SGCZ: variants seen among roughly 807,000 people sequenced by gnomAD.
The protein encoded by SGCZ is zeta-sarcoglycan.
SGCZ carries 40 observed loss-of-function variants against 41.3 expected under a neutral mutation model. The observed-to-expected ratio is 0.97, with a 90% CI of 0.75 to 1.26. The LOEUF is 1.26. Among genes scored for constraint, SGCZ ranks in the 50% most tolerant of loss-of-function variants. The pLI, the probability that SGCZ is intolerant of heterozygous loss-of-function variation, is 0.00. For synonymous variants in SGCZ, 206 were observed against 137.5 expected, an observed-to-expected ratio of 1.50 and a Z score of -3.49; for missense variants, 552 against 369.8, an observed-to-expected ratio of 1.49 and a Z score of -4.04.
chr8:14,539,728 G>T (rs185587080), intron 2 of SGCZ, among the ~76,000 whole-genome samples: 1 of 149,344 alleles, frequency 6.7e-6, no homozygotes, highest in African/African-American at 2.5e-5. Context: ...CCCAGTGTGT[G>T]TTGTTCCCCT....
chr8:15,013,432 A>G (rs545210249), intron 1 of SGCZ, among the ~76,000 whole-genome samples: 1 of 152,306 alleles, frequency 6.6e-6, no homozygotes, highest in African/African-American at 2.4e-5. Flanking sequence ...TCTATAACGG[A>G]AAGGAATATA....
At chr8:14,749,787 T>A (rs774457355) in intron 1 of SGCZ, among the ~76,000 whole-genome samples, 1 of 152,130 alleles carries the variant, frequency 6.6e-6, no homozygotes, top group Non-Finnish European at 1.5e-5. Flanking sequence ...TTGCCTAAAG[T>A]CTGTGATCCT....
intron 1 of SGCZ, among the ~76,000 whole-genome samples, chr8:15,169,040 A>T (rs776579482): frequency 1.3e-5 from 2 of 152,100 alleles, no homozygotes; most frequent in Non-Finnish European, 2.9e-5. Flanking sequence ...GTTTTCTAAT[A>T]ATCTGGTTTG....
intron 1 of SGCZ, among the ~76,000 whole-genome samples, chr8:14,845,323 A>G (rs1435414853): frequency 6.6e-6 from 1 of 152,202 alleles, no homozygotes; most frequent in Non-Finnish European, 1.5e-5. Context: ...CAATTCTTAA[A>G]GGCAAAATTG....
At chr8:14,940,824 A>G (rs1313991524) in intron 1 of SGCZ, among the ~76,000 whole-genome samples, 2 of 152,050 alleles carry the variant, frequency 1.3e-5, no homozygotes, top group African/African-American at 4.8e-5. Flanking sequence ...AACCACAGAA[A>G]GGGGGAGACG....
intron 3 of SGCZ, among the ~76,000 whole-genome samples, chr8:14,294,150 C>T (rs1030804749): frequency 6.6e-6 from 1 of 151,674 alleles, no homozygotes; most frequent in African/African-American, 2.4e-5. Flanking sequence ...TTCTGAGAAA[C>T]ATGTTAAATT....
intron 1 of SGCZ, among the ~76,000 whole-genome samples, chr8:14,977,990 G>C (rs943197949): frequency 2.0e-5 from 3 of 151,166 alleles, no homozygotes; most frequent in Admixed American, 6.6e-5. Flanking sequence ...TTTATAATTT[G>C]GGGATGATGT....
intron 2 of SGCZ, among the ~76,000 whole-genome samples, chr8:14,344,164 G>A (rs113291523): frequency 0.031 from 4,718 of 152,178 alleles, 110 homozygotes; most frequent in Middle Eastern, 0.078. Flanking sequence ...TCACAAATGC[G>A]TGGATAGAAA....
rs368867437 is a variant in SGCZ at position 15,237,587 on chromosome 8, T to G, written c.37A>C (p.Lys13Gln). 9.4e-6 allele frequency: 15 copies of G among 1,590,574 alleles called. No individual in the cohort carries two copies. The highest frequency in any genetic ancestry group is 1.1e-5 in the South Asian group (1 of 87,866). ...RSTNLDIEEL[K>Q]MTREQYILAT... The stretch of plus-strand genomic sequence containing the variant: ...AGCCCGCCCGGACCCGCACGTACCT[T>G]GAGCTCCTCAATGTCCAGGTTCGTT... Residue 13 changes from lysine (K) to glutamine (Q), a missense_variant and splice_region_variant, in exon 1 of 8, where the codon AAG becomes CAG. By Grantham distance (53) the Lys-to-Gln change is moderately conservative (BLOSUM62 1). Transcript: ENST00000382080.
intron 1 of SGCZ, among the ~76,000 whole-genome samples, chr8:14,908,774 T>G (rs149712583): frequency 1.4e-5 from 2 of 146,884 alleles, no homozygotes; most frequent in African/African-American, 2.5e-5. Context: ...GAGAGAGAGA[T>G]TCAGAGAACC....
At chr8:14,736,681 G>A (rs906267989) in intron 1 of SGCZ, among the ~76,000 whole-genome samples, 1 of 151,958 alleles carries the variant, frequency 6.6e-6, no homozygotes, top group African/African-American at 2.4e-5. Flanking sequence ...TTATGCCTTT[G>A]TGTCCTCATA....
intron 1 of SGCZ, among the ~76,000 whole-genome samples, chr8:15,198,098 ATAAT>A (rs1563179331): frequency 1.3e-5 from 2 of 149,386 alleles, no homozygotes; most frequent in African/African-American, 4.9e-5. Context: ...ATTATGATTT[ATAAT>A]TAATGATATA....
At chr8:14,656,346 C>T (rs1395225685) in intron 1 of SGCZ, among the ~76,000 whole-genome samples, 1 of 150,768 alleles carries the variant, frequency 6.6e-6, no homozygotes, top group Non-Finnish European at 1.5e-5. Flanking sequence ...TCCCTTCCTT[C>T]TCTCCTTCCT....
At chr8:14,353,731 T>C (rs1314712619) in intron 2 of SGCZ, among the ~76,000 whole-genome samples, 1 of 152,100 alleles carries the variant, frequency 6.6e-6, no homozygotes, top group African/African-American at 2.4e-5. Context: ...TTCTGAAATT[T>C]ATCCTGTAAT....
intron 7 of SGCZ, among the ~76,000 whole-genome samples, chr8:14,097,799 T>C (rs1004072400): frequency 2.0e-5 from 3 of 152,190 alleles, no homozygotes; most frequent in Non-Finnish European, 4.4e-5. Context: ...ATATTTAGGA[T>C]ACTTAGATCT....
intron 2 of SGCZ, among the ~76,000 whole-genome samples, chr8:14,494,931 A>G (rs980212435): frequency 1.3e-5 from 2 of 152,194 alleles, no homozygotes; most frequent in African/African-American, 4.8e-5. Flanking sequence ...TGCCCTAAAT[A>G]TTGTTCCTTG....
At chr8:14,219,142 G>A (rs780494092) in intron 4 of SGCZ, among the ~76,000 whole-genome samples, 1 of 152,168 alleles carries the variant, frequency 6.6e-6, no homozygotes, top group African/African-American at 2.4e-5. Flanking sequence ...TGTGATGTGC[G>A]AAGAAAAGTG....
intron 1 of SGCZ, among the ~76,000 whole-genome samples, chr8:14,919,676 G>C (rs530811698): frequency 6.6e-6 from 1 of 152,258 alleles, no homozygotes; most frequent in Admixed American, 6.5e-5. Context: ...TCAGCACTTT[G>C]GGAGGACGAG....
At chr8:14,803,269 G>C (rs539833354) in intron 1 of SGCZ, among the ~76,000 whole-genome samples, 6 of 152,134 alleles carry the variant, frequency 3.9e-5, no homozygotes, top group Non-Finnish European at 8.8e-5. Context: ...AGCTCCCAGC[G>C]TGAGCGACGC....
Sources: allele counts gnomAD v4.1 joint callset (sites outside exome capture counted in the v4.1 genomes callset), GRCh38; gene constraint gnomAD v4.1.1; transcripts MANE v1.5; gene names NCBI Gene and HGNC (gene_info 2026-07-23, HGNC 2026-07-21).